Variants in ZBTB44 observed in about 807,000 individuals in gnomAD.
ZBTB44 encodes the protein zinc finger and BTB domain-containing protein 44.
In ZBTB44, 15 loss-of-function variants were observed where a neutral mutation model predicts 54.0. The observed-to-expected ratio is 0.28, with a 90% CI of 0.19 to 0.43. The LOEUF (loss-of-function observed/expected upper bound fraction) is 0.43, where lower values mean the gene tolerates loss of function less well. Ranked by LOEUF, ZBTB44 falls within the 20% of genes least tolerant of loss-of-function variation. The pLI, the probability that ZBTB44 is intolerant of heterozygous loss-of-function variation, is 1.00. For missense variants in ZBTB44, 487 were observed against 707.1 expected (o/e 0.69, Z 3.53); for synonymous variants, 230 against 250.1 (o/e 0.92, Z 0.76).
At chr11:130,303,051 T>C (rs770625358) in intron 1 of ZBTB44, among the ~76,000 whole-genome samples, 17 of 152,200 alleles carry the variant, frequency 1.1e-4, no homozygotes, top group Non-Finnish European at 2.2e-4. Context: ...TTATTCTTTA[T>C]TTTCTTATCA....
rs1412136415 is a variant in ZBTB44 at position 130,226,804 on chromosome 11, T to C, written c.*4960A>G. 6.6e-6 allele frequency: 1 copy of C among 152,172 alleles called. No individual in the cohort carries two copies. The highest frequency in any genetic ancestry group is 1.5e-5 in the Non-Finnish European group (1 of 68,014). 9.4% of individuals were successfully genotyped at this position (152,172 alleles called of 1,614,324 possible). A position where few individuals can be genotyped will look rare whatever the true frequency, so the allele number is the denominator to read the frequency against. On this transcript the variant is annotated 3_prime_UTR_variant, in exon 8 of 8. Transcript: ENST00000357899. ...TGCCCATCCCTTTCCTAACTGCAAC[T>C]TTATGTGTGACCATGTAATAAAGGC... is the stretch of plus-strand genomic sequence containing the variant.
rs1293438948 is a variant in ZBTB44, at chr11:130,229,490, G to A, written c.*2274C>T. 1 of 152,118 alleles carries A rather than the reference G, an allele frequency of 6.6e-6. No individual in the cohort carries two copies. The highest frequency in any genetic ancestry group is 2.4e-5 in the African/African-American group (1 of 41,424). 9.4% of individuals were successfully genotyped at this position (152,118 alleles called of 1,614,324 possible). Reference sequence around the variant, plus strand: ...TTGCTTTTGGCTAATTCATCTTGCTGAGGACTTTCCAAATAAAAATACTCT... The same window carrying A: ...TTGCTTTTGGCTAATTCATCTTGCTAAGGACTTTCCAAATAAAAATACTCT... On this transcript the variant is annotated 3_prime_UTR_variant, in exon 8 of 8. Coordinates refer to ENST00000357899, the MANE Select transcript of ZBTB44 (RefSeq NM_001301098.2).
intron 2 of ZBTB44, among the ~76,000 whole-genome samples, chr11:130,252,769 A>T (rs1277165460): frequency 3.3e-5 from 5 of 152,196 alleles, no homozygotes; most frequent in African/African-American, 1.2e-4. Context: ...AACAAAAAGA[A>T]TTTTAGACCA....
At chr11:130,312,744 T>G (rs1942686812) in intron 1 of ZBTB44, among the ~76,000 whole-genome samples, 1 of 152,238 alleles carries the variant, frequency 6.6e-6, no homozygotes, top group Admixed American at 6.5e-5. Context: ...GAATCTTGAC[T>G]GACTACAACT....
At position 130,238,592 on chromosome 11, in the gene ZBTB44, C is replaced by A; in HGVS notation, c.1119G>T (p.Gln373His). 1 of 1,610,482 alleles carries A rather than the reference C, an allele frequency of 6.2e-7. No homozygotes were observed. Among genetic ancestry groups the A allele is most frequent in the African/African-American group, 1.3e-5 (1 of 74,882 alleles). The change falls in exon 4 of 8, where the codon CAG becomes CAT. Residue 373 changes from glutamine (Q) to histidine (H), a missense_variant. Gln to His is a conservative substitution (Grantham distance 24). Transcript: ENST00000357899. ...PDDDDRLENV[Q>H]YPYQLYIAPS... The stretch of plus-strand genomic sequence containing the variant: ...GAGCAATGTAGAGTTGGTAGGGATA[C>A]TGAACATTTTCCAATCTAAAAAAAA...
chr11:130,246,470 A>T (rs1954654035), intron 2 of ZBTB44, among the ~76,000 whole-genome samples: 1 of 152,186 alleles, frequency 6.6e-6, no homozygotes, highest in African/African-American at 2.4e-5. Flanking sequence ...ACTGATTCAC[A>T]GAGACAATCA....
At chr11:130,302,315 T>A (rs1178413614) in intron 1 of ZBTB44, among the ~76,000 whole-genome samples, 2 of 152,102 alleles carry the variant, frequency 1.3e-5, no homozygotes, top group African/African-American at 4.8e-5. Flanking sequence ...CTCCTTACAC[T>A]ATGCTATACT....
At chr11:130,295,525 T>A (rs7924876) in intron 1 of ZBTB44, 13,567 of 707,656 alleles carry the variant, frequency 0.019, 467 homozygotes, top group African/African-American at 0.11. Context: ...CAGATAATGA[T>A]GAAGATGACA....
At chr11:130,273,087 G>C (rs753556888) in intron 1 of ZBTB44, among the ~76,000 whole-genome samples, 2 of 152,106 alleles carry the variant, frequency 1.3e-5, no homozygotes, top group Non-Finnish European at 2.9e-5. Flanking sequence ...TACAAAGTCA[G>C]CAAGGATTCT....
At chr11:130,290,520 C>G (rs1039526665) in intron 1 of ZBTB44, among the ~76,000 whole-genome samples, 3 of 152,232 alleles carry the variant, frequency 2.0e-5, no homozygotes, top group Non-Finnish European at 4.4e-5. Flanking sequence ...GCCACTGCCT[C>G]TGCCTCTGCC....
At chr11:130,284,939 A>C (rs1214133004) in intron 1 of ZBTB44, 1 of 152,224 alleles carries the variant, frequency 6.6e-6, no homozygotes, top group Non-Finnish European at 1.5e-5. Context: ...CAATCTCTCT[A>C]AATTTTAAGT....
chr11:130,298,950 G>T (rs1245240403), intron 1 of ZBTB44, among the ~76,000 whole-genome samples: 1 of 151,976 alleles, frequency 6.6e-6, no homozygotes, highest in Admixed American at 6.6e-5. Context: ...ACACATAGTG[G>T]CATGCACCTA....
intron 1 of ZBTB44, among the ~76,000 whole-genome samples, chr11:130,265,110 T>A (rs370471272): frequency 1.2e-4 from 18 of 152,160 alleles, no homozygotes; most frequent in African/African-American, 4.3e-4. Context: ...CCCCCATCTC[T>A]CTCCTCCTCC....
Position 130,253,748 on chromosome 11 carries a change from G to A in ZBTB44, c.1018+7108C>T, listed in dbSNP as rs629393. Among the ~76,000 whole-genome samples the A allele has an allele frequency of 4.9e-3, 742 of 152,248 alleles. 5 individuals are homozygous for A. The highest frequency in any genetic ancestry group is 6.2e-3 in the Non-Finnish European group (425 of 68,018). ...AAAGTTCACATGGAACCAAAAAAGAGCCTGCATTGCCAAGTTAATCCTAAG... is the reference window on the plus strand; with the variant it reads ...AAAGTTCACATGGAACCAAAAAAGAACCTGCATTGCCAAGTTAATCCTAAG... On this transcript the variant is annotated intron_variant, in intron 2 of 7. Coordinates refer to ENST00000357899, the MANE Select transcript of ZBTB44 (RefSeq NM_001301098.2).
chr11:130,291,883 A>G (rs1419911308), intron 1 of ZBTB44, among the ~76,000 whole-genome samples: 1 of 152,190 alleles, frequency 6.6e-6, no homozygotes, highest in East Asian at 1.9e-4. Flanking sequence ...TCACCACCAC[A>G]ATCAAGATAA....
intron 1 of ZBTB44, among the ~76,000 whole-genome samples, chr11:130,309,623 C>T (rs537558690): frequency 6.6e-6 from 1 of 152,150 alleles, no homozygotes; most frequent in Admixed American, 6.5e-5. Flanking sequence ...TCTGTAATTC[C>T]AGCACTTTAG....
Position 130,299,413 on chromosome 11 carries a change from C to A in ZBTB44, c.-57+14962G>T, listed in dbSNP as rs553844920. Among the ~76,000 whole-genome samples the A allele has an allele frequency of 2.0e-3, 303 of 152,230 alleles. 2 individuals carry two copies. The highest frequency in any genetic ancestry group is 3.1e-3 in the Non-Finnish European group (213 of 68,018). On this transcript the variant is annotated intron_variant, in intron 1 of 7. Coordinates refer to ENST00000357899, the MANE Select transcript of ZBTB44 (RefSeq NM_001301098.2). ...TATTTTTAACTGTAATTCAGCTAGG[C>A]ATAGTGGCACGCACCTGTAATCCCA...
At chr11:130,236,144 G>A (rs1347655422) in intron 5 of ZBTB44, 5 of 1,283,756 alleles carry the variant, frequency 3.9e-6, no homozygotes, top group Non-Finnish European at 5.1e-6. Flanking sequence ...GCTTTTTCAT[G>A]TGTAAAGTGA....
intron 2 of ZBTB44, 145 bp downstream of exon 2, chr11:130,260,711 T>C (rs142284495): frequency 7.7e-6 from 7 of 908,572 alleles, no homozygotes; most frequent in East Asian, 2.7e-5. Flanking sequence ...ATAGTGCTAA[T>C]AGCATCTCAA....
Sources: gnomAD v4.1 joint callset for allele counts (sites outside exome capture counted in the v4.1 genomes callset) on GRCh38, gnomAD v4.1.1 for gene constraint, MANE v1.5 for transcripts, NCBI Gene and HGNC (gene_info 2026-07-23, HGNC 2026-07-21) for gene names.